The following ALPL variants were observed in gnomAD, a reference collection of about 807,000 sequenced individuals.
The protein encoded by ALPL is alkaline phosphatase, tissue-nonspecific isozyme.
A neutral mutation model predicts 51.3 loss-of-function variants in ALPL; 42 were observed. The observed-to-expected ratio is 0.82, with a 90% CI of 0.64 to 1.06. ALPL has a LOEUF of 1.06. ALPL is among the 50% of genes least tolerant of loss of function. The pLI, the probability that ALPL is intolerant of heterozygous loss-of-function variation, is 0.00. For synonymous variants in ALPL, 279 were observed against 296.4 expected (o/e 0.94, Z 0.60); for missense variants, 589 against 709.4 (o/e 0.83, Z 1.93).
intron 6 of ALPL, among the ~76,000 whole-genome samples, chr1:21,567,431 C>T (rs562645746): frequency 7.2e-5 from 11 of 152,246 alleles, no homozygotes; most frequent in Non-Finnish European, 1.5e-4. Flanking sequence ...ACTACAGAGC[C>T]GTGAGGCCCG....
rs530949460 is a variant in ALPL, at chr1:21,544,521, T to A, written c.-104-9457T>A. Among the ~76,000 whole-genome samples the A allele has an allele frequency of 2.0e-5, 3 of 152,306 alleles. No homozygotes were observed. The South Asian group carries it at 6.2e-4, about 32-fold the overall frequency. Reference sequence around the variant, plus strand: ...ACTTTGGGAGGCCGAGGCATGTGGATTGCCTGAGCTCAGGAGTTCAAGAAT... The same window carrying A: ...ACTTTGGGAGGCCGAGGCATGTGGAATGCCTGAGCTCAGGAGTTCAAGAAT... On this transcript the variant is annotated intron_variant, in intron 1 of 11. Transcript: ENST00000374840.
chr1:21,549,585 T>A (rs1375401377), intron 1 of ALPL, among the ~76,000 whole-genome samples: 1 of 151,996 alleles, frequency 6.6e-6, no homozygotes, highest in African/African-American at 2.4e-5. Context: ...GTGATTCTCC[T>A]GCCTCAGCCT....
At chr1:21,558,934 G>T (rs933278632) in intron 2 of ALPL, among the ~76,000 whole-genome samples, 1 of 152,196 alleles carries the variant, frequency 6.6e-6, no homozygotes, top group Non-Finnish European at 1.5e-5. Context: ...TTCCTAATGT[G>T]GAGGAGACAC....
intron 1 of ALPL, among the ~76,000 whole-genome samples, chr1:21,512,731 A>AC (rs767681522): frequency 3.1e-4 from 47 of 150,874 alleles, no homozygotes; most frequent in Non-Finnish European, 5.8e-4. Flanking sequence ...CCAGCTCCCA[A>AC]CCCCCCCGCC....
intron 1 of ALPL, among the ~76,000 whole-genome samples, chr1:21,544,056 G>A (rs923380164): frequency 1.3e-5 from 2 of 152,168 alleles, no homozygotes; most frequent in African/African-American, 2.4e-5. Context: ...ACCTGCCATC[G>A]ATGTGACCTC....
intron 1 of ALPL, among the ~76,000 whole-genome samples, chr1:21,540,555 G>A (rs1051624768): frequency 6.6e-6 from 1 of 152,196 alleles, no homozygotes; most frequent in Non-Finnish European, 1.5e-5. Context: ...AGTGAGATGA[G>A]GCATGCAGAG....
chr1:21,561,257 T>C, intron 4 of ALPL, 45 bp downstream of exon 4: 3 of 1,513,228 alleles, frequency 2.0e-6, no homozygotes, highest in East Asian at 4.8e-5. Context: ...ATATCCAGTA[T>C]CCAGGTCGAG....
At position 21,573,524 on chromosome 1, in the gene ALPL, T is replaced by A. The variant is rs932458792; in HGVS notation, c.863-141T>A. The stretch of plus-strand genomic sequence containing the variant: ...TCTGGGCCCACAAAAATCACCCAGA[T>A]AAGGATCCTCCCAGCCACCATACTC... On this transcript the variant is annotated intron_variant, in intron 8 of 11. Coordinates refer to ENST00000374840, the MANE Select transcript of ALPL (RefSeq NM_000478.6). 3.0e-6 allele frequency: 3 copies of A among 1,005,194 alleles called. No homozygotes were observed. In the Admixed American group the frequency reaches 6.2e-5, roughly 21 times the overall value. The allele number at this position is 1,005,194 out of a possible 1,614,324, so 62.3% of individuals were successfully genotyped here.
intron 1 of ALPL, among the ~76,000 whole-genome samples, chr1:21,520,051 C>T (rs952765601): frequency 7.2e-5 from 11 of 152,170 alleles, no homozygotes; most frequent in South Asian, 2.1e-4. Context: ...AGCCATTGAC[C>T]TTGGACAAGT....
In ALPL at chr1:21,575,752, G is replaced by T. The variant is rs1644719479; in HGVS notation, c.1017G>T (p.Gly339=). Residue 339 remains glycine, a synonymous_variant, in exon 10 of 12, where the codon GGG becomes GGT. Coordinates refer to ENST00000374840, the MANE Select transcript of ALPL (RefSeq NM_000478.6). Reference sequence around the variant, plus strand: ...CCCAAGGAGGCAGAATTGACCACGGGCACCATGAAGGAAAAGCCAAGCAGG... The same window carrying T: ...CCCAAGGAGGCAGAATTGACCACGGTCACCATGAAGGAAAAGCCAAGCAGG... ...LLVEGGRIDH[G]HHEGKAKQAL... 2.5e-6 allele frequency: 4 copies of T among 1,614,054 alleles called. No homozygotes were observed. The highest frequency in any genetic ancestry group is 2.5e-6 in the Non-Finnish European group (3 of 1,180,032).
chr1:21,565,753 C>T (rs963491812), intron 6 of ALPL, among the ~76,000 whole-genome samples: 51 of 151,786 alleles, frequency 3.4e-4, no homozygotes, highest in African/African-American at 1.0e-3. Flanking sequence ...ACCACCCCCC[C>T]AAAAGCCTCC....
intron 8 of ALPL, among the ~76,000 whole-genome samples, chr1:21,571,544 C>T (rs190292529): frequency 5.7e-4 from 87 of 152,118 alleles, no homozygotes; most frequent in African/African-American, 2.0e-3. Context: ...TGGTGGCGGG[C>T]GCCTGTAGTC....
chr1:21,575,758 T>A lies in ALPL; in HGVS notation c.1023T>A (p.His341Gln), dbSNP rs1280398041. Residue 341 changes from histidine (H) to glutamine (Q), a missense_variant, in exon 10 of 12, where the codon CAT (histidine) becomes CAA (glutamine). By Grantham distance (24) the His-to-Gln change is conservative (BLOSUM62 0). Coordinates refer to ENST00000374840, the MANE Select transcript of ALPL (RefSeq NM_000478.6). ...GAGGCAGAATTGACCACGGGCACCA[T>A]GAAGGAAAAGCCAAGCAGGCCCTGC... ...VEGGRIDHGH[H>Q]EGKAKQALHE... 1 of 1,614,048 alleles carries A rather than the reference T, an allele frequency of 6.2e-7. No homozygotes were observed. The highest frequency in any genetic ancestry group is 8.5e-7 in the Non-Finnish European group (1 of 1,180,000).
rs1263345903 is a variant in ALPL, at chr1:21,564,414, G to A, written c.648+198G>A. Among the ~76,000 whole-genome samples, 1 of 152,112 alleles carries A rather than the reference G, an allele frequency of 6.6e-6. No homozygotes were observed. Among genetic ancestry groups the A allele is most frequent in the African/African-American group, 2.4e-5 (1 of 41,404 alleles). On this transcript the variant is annotated intron_variant, in intron 6 of 11. Transcript: ENST00000374840. The surrounding 1 kb of genome is among the most constrained non-coding windows in gnomAD (Gnocchi z 5.8). Reference sequence around the variant, plus strand: ...TTTCTCTGCGGTGGGGCTGCGGGGTGAACCCTCATGTGACCGCCACCACAC... The same window carrying A: ...TTTCTCTGCGGTGGGGCTGCGGGGTAAACCCTCATGTGACCGCCACCACAC...
intron 6 of ALPL, among the ~76,000 whole-genome samples, chr1:21,565,054 T>A: frequency 6.6e-6 from 1 of 152,148 alleles, no homozygotes; most frequent in Non-Finnish European, 1.5e-5. Flanking sequence ...TTCTGCCCCT[T>A]GAGCCTGGAA....
intron 2 of ALPL, among the ~76,000 whole-genome samples, chr1:21,554,857 C>A (rs1412834529): frequency 2.2e-5 from 3 of 135,378 alleles, no homozygotes; most frequent in Non-Finnish European, 3.1e-5. Flanking sequence ...TTCTTTCTTT[C>A]TTTCTTTCTT....
intron 1 of ALPL, among the ~76,000 whole-genome samples, chr1:21,511,093 C>T (rs1022235213): frequency 6.6e-6 from 1 of 152,188 alleles, no homozygotes; most frequent in African/African-American, 2.4e-5. Context: ...AAGCATCCGC[C>T]GTGTGCCAAG....
intron 1 of ALPL, among the ~76,000 whole-genome samples, chr1:21,520,686 C>T (rs1643874729): frequency 6.6e-6 from 1 of 152,128 alleles, no homozygotes; most frequent in Non-Finnish European, 1.5e-5. Context: ...TGTTCTCGAT[C>T]TCCTGACCTT....
rs923971981 is a variant in ALPL at position 21,521,905 on chromosome 1, T to C, written c.-105+12388T>C. Among the ~76,000 whole-genome samples the C allele has an allele frequency of 2.6e-5, 4 of 152,296 alleles. No individual in the cohort carries two copies. The East Asian group carries it at 7.7e-4, about 29-fold the overall frequency. ...ATGTACCATGCTTCCTGGTGCATAG[T>C]AGGCACTTAATACATATTTGTTGAA... is the stretch of plus-strand genomic sequence containing the variant. On this transcript the variant is annotated intron_variant, in intron 1 of 11. Coordinates refer to ENST00000374840, the MANE Select transcript of ALPL (RefSeq NM_000478.6).
Sources: gnomAD v4.1 joint callset for allele counts (sites outside exome capture counted in the v4.1 genomes callset) on GRCh38, gnomAD v4.1.1 for gene constraint, Gnocchi (gnomAD v3.1) non-coding constraint, MANE v1.5 for transcripts, NCBI Gene and HGNC (gene_info 2026-07-23, HGNC 2026-07-21) for gene names.